The following OBSL1 variants were observed in gnomAD, a reference collection of about 807,000 sequenced individuals.
OBSL1 encodes the protein obscurin-like protein 1.
OBSL1 carries 160 observed loss-of-function variants against 172.0 expected under a neutral mutation model. That is an observed-to-expected ratio of 0.93 (90% CI 0.82 to 1.06). The LOEUF is 1.06. Among genes scored for constraint, OBSL1 ranks in the 50% least tolerant of loss-of-function variants. The probability of loss-of-function intolerance (pLI) is 0.00; values close to 1 mark genes in which losing one functional copy is unlikely to be tolerated. For missense variants in OBSL1, 2,681 were observed against 2,715.4 expected, an observed-to-expected ratio of 0.99 and a Z score of 0.28; for synonymous variants, 1,200 against 1,196.3, an observed-to-expected ratio of 1.00 and a Z score of -0.06.
At position 219,563,485 on chromosome 2, in the gene OBSL1, A is replaced by G; in HGVS notation, c.2550T>C (p.Ser850=). 6.2e-7 allele frequency: 1 copy of G among 1,612,650 alleles called. No individual in the cohort carries two copies. Among genetic ancestry groups the G allele is most frequent in the Non-Finnish European group, 8.5e-7 (1 of 1,179,566 alleles). ...CCTCATTCTCCAGCACCACGAAGTC[A>G]CTCTCCTCCACCTCCTGCCCGTCCT... ...WYKDGQEVEE[S]DFVVLENEGP... is the part of the protein sequence containing the mutation. The change falls in exon 7 of 21, where the codon AGT becomes AGC. Residue 850 remains serine, a synonymous_variant. Transcript: ENST00000404537.
chr2:219,570,269 G>A lies in OBSL1; in HGVS notation c.964C>T (p.Arg322Cys). The A allele has an allele frequency of 3.8e-6, 6 of 1,599,556 alleles. No homozygotes were observed. The highest frequency in any genetic ancestry group is 2.2e-5 in the South Asian group (2 of 89,902). The change falls in exon 1 of 21, where the codon CGC (arginine) becomes TGC (cysteine). Residue 322 changes from arginine (R) to cysteine (C), a missense_variant. By Grantham distance (180) the Arg-to-Cys change is radical. Coordinates refer to ENST00000404537, the MANE Select transcript of OBSL1 (RefSeq NM_015311.3). ...KDRGLYVCAA[R>C]NSAGQTLSAV... is the part of the protein sequence containing the mutation. ...CTGAGCGTCTGGCCCGCCGAGTTGC[G>A]CGCGGCGCAGACGTAGAGCCCACGA...
chr2:219,571,277 G>C lies in OBSL1; in HGVS notation c.-45C>G. On this transcript the variant is annotated 5_prime_UTR_variant, in exon 1 of 21. Coordinates refer to ENST00000404537, the MANE Select transcript of OBSL1 (RefSeq NM_015311.3). ...CAGCGGCGAACGGTGGGGGGGCAGG[G>C]GGGGGTGCGGAGGGCGAGCCGAGGC... 9.2e-7 allele frequency: 1 copy of C among 1,086,862 alleles called. No homozygotes were observed. Among genetic ancestry groups the C allele is most frequent in the Non-Finnish European group, 1.2e-6 (1 of 851,244 alleles). 67.3% of individuals were successfully genotyped at this position (1,086,862 alleles called of 1,614,324 possible).
At position 219,570,654 on chromosome 2, in the gene OBSL1, T is replaced by A. The variant is rs1697281508; in HGVS notation, c.579A>T (p.Ala193=). ...GCAGCCGAGCCGCCAGGATGCGCAG[T>A]GCCAGGCTCGCGCCGGGGCCGTCCT... ...RAEDGPGASL[A]LRILAARLPD... The change falls in exon 1 of 21, where the codon GCA becomes GCT. Residue 193 remains alanine (A), a synonymous_variant. Transcript: ENST00000404537. 2.0e-6 allele frequency: 3 copies of A among 1,506,810 alleles called. No individual in the cohort carries two copies. The highest frequency in any genetic ancestry group is 1.5e-5 in the African/African-American group (1 of 68,370). The allele number at this position is 1,506,810 out of a possible 1,614,324, so 93.3% of individuals were successfully genotyped here.
intron 14 of OBSL1, chr2:219,555,690 C>T (rs1186855085): frequency 7.0e-6 from 8 of 1,136,684 alleles, no homozygotes; most frequent in South Asian, 3.4e-5. Context: ...TGTTTGACAG[C>T]CATCCCTGCT....
Position 219,563,503 on chromosome 2 carries a change from C to G in OBSL1, c.2532G>C (p.Gly844=). 2 of 1,613,986 alleles carry G rather than the reference C, an allele frequency of 1.2e-6. No homozygotes were observed. Among genetic ancestry groups the G allele is most frequent in the Non-Finnish European group, 1.7e-6 (2 of 1,179,878 alleles). ...EDAPVRWYKD[G]QEVEESDFVV... is the part of the protein sequence containing the mutation. ...CGAAGTCACTCTCCTCCACCTCCTG[C>G]CCGTCCTTGTACCAACGCACAGGGG... The change falls in exon 7 of 21, where the codon GGG becomes GGC. Residue 844 remains glycine (G), a synonymous_variant. Transcript: ENST00000404537.
chr2:219,570,222 T>G lies in OBSL1; in HGVS notation c.1011A>C (p.Lys337Asn). 1.9e-6 allele frequency: 3 copies of G among 1,552,840 alleles called. No individual in the cohort carries two copies. The highest frequency in any genetic ancestry group is 2.5e-5 in the South Asian group (2 of 81,082). Residue 337 changes from lysine (K) to asparagine (N), a missense_variant and splice_region_variant, in exon 1 of 21, where the codon AAA (lysine) becomes AAC (asparagine). Physicochemically the swap from Lys to Asn is moderately conservative, Grantham distance 94 (BLOSUM62 0). Coordinates refer to ENST00000404537, the MANE Select transcript of OBSL1 (RefSeq NM_015311.3). ...QTLSAVQLHV[K>N]EPRLRFTRPL... ...CCTAGGTCCCGGGCTCCGCCGTACC[T>G]TTCACGTGCAGCTGCACGGCACTGA...
Position 219,559,349 on chromosome 2 carries a change from G to C in OBSL1, c.3102C>G (p.Ala1034=). Reference sequence around the variant, plus strand: ...GTGGCCCATCCCTCTCCAGCACCAGGGCCTCGCTCTCCTCCACTTCCAGCC... The same window carrying C: ...GTGGCCCATCCCTCTCCAGCACCAGCGCCTCGCTCTCCTCCACTTCCAGCC... ...KDGLEVEESE[A]LVLERDGPRC... The change falls in exon 9 of 21, where the codon GCC becomes GCG. Residue 1034 remains alanine, a synonymous_variant. Transcript: ENST00000404537. The C allele has an allele frequency of 6.2e-7, 1 of 1,613,934 alleles. No individual in the cohort carries two copies. Among genetic ancestry groups the C allele is most frequent in the Non-Finnish European group, 8.5e-7 (1 of 1,179,902 alleles).
chr2:219,550,772 C>G lies in OBSL1; in HGVS notation c.*63G>C, dbSNP rs1286456029. 4 of 1,589,374 alleles carry G rather than the reference C, an allele frequency of 2.5e-6. No homozygotes were observed. Among genetic ancestry groups the G allele is most frequent in the Non-Finnish European group, 3.4e-6 (4 of 1,166,770 alleles). On this transcript the variant is annotated 3_prime_UTR_variant, in exon 21 of 21. Coordinates refer to ENST00000404537, the MANE Select transcript of OBSL1 (RefSeq NM_015311.3). ...TGTTCCTTGTCTCTCTACCCCTGCC[C>G]AGGGTAAGGGCAAACGCCTTCCAAG...
Position 219,567,908 on chromosome 2 carries a change from C to A in OBSL1, c.1344G>T (p.Leu448=). Residue 448 remains leucine (L), a synonymous_variant, in exon 3 of 21, where the codon CTG becomes CTT. Transcript: ENST00000404537. ...LDVLEGENAV[L]LVETLEAGVE... Reference sequence around the variant, plus strand: ...CCCCGGCCTCTAGAGTTTCCACTAGCAGCACAGCATTCTCTCCTTCCAGGA... The same window carrying A: ...CCCCGGCCTCTAGAGTTTCCACTAGAAGCACAGCATTCTCTCCTTCCAGGA... 2.5e-6 allele frequency: 4 copies of A among 1,613,930 alleles called. No homozygotes were observed. The highest frequency in any genetic ancestry group is 3.4e-6 in the Non-Finnish European group (4 of 1,179,900).
At chr2:219,555,861 A>G in intron 14 of OBSL1, 159 bp downstream of exon 14, 1 of 1,439,294 alleles carries the variant, frequency 6.9e-7, no homozygotes. Flanking sequence ...TATTAGAAAA[A>G]GAAAAGTTTT....
Position 219,567,403 on chromosome 2 carries a change from G to C in OBSL1, c.1707C>G (p.Ile569Met), listed in dbSNP as rs749970893. 44 of 1,612,908 alleles carry C rather than the reference G, an allele frequency of 2.7e-5. No homozygotes were observed. Among genetic ancestry groups the C allele is most frequent in the South Asian group, 6.6e-5 (6 of 90,864 alleles). Residue 569 changes from isoleucine (I) to methionine (M), a missense_variant, in exon 4 of 21, where the codon ATC becomes ATG. Ile to Met is a conservative substitution (Grantham distance 10). Transcript: ENST00000404537. ...GCACCTCCACGGCTCCGGCTTTCTC[G>C]ATGCTGAAGCACTGAATCCAGTCTT... Reference protein sequence around the residue: ...GSEDWIQCFSIEKAGAVEVPG... With the variant: ...GSEDWIQCFSMEKAGAVEVPG...
rs769179143 is a variant in OBSL1 at position 219,570,228 on chromosome 2, G to C, written c.1005C>G (p.His335Gln). The change falls in exon 1 of 21, where the codon CAC (histidine) becomes CAG (glutamine). Residue 335 changes from histidine (H) to glutamine (Q), a missense_variant. Physicochemically the swap from His to Gln is conservative, Grantham distance 24. Around this residue, in one of 5 missense-constraint regions of OBSL1, gnomAD observed 706 missense variants for 695.8 expected, o/e 1.01. Transcript: ENST00000404537. ...AGQTLSAVQL[H>Q]VKEPRLRFTR... Reference sequence around the variant, plus strand: ...TCCCGGGCTCCGCCGTACCTTTCACGTGCAGCTGCACGGCACTGAGCGTCT... The same window carrying C: ...TCCCGGGCTCCGCCGTACCTTTCACCTGCAGCTGCACGGCACTGAGCGTCT... 6.4e-7 allele frequency: 1 copy of C among 1,556,982 alleles called. No individual in the cohort carries two copies. Among genetic ancestry groups the C allele is most frequent in the Non-Finnish European group, 8.7e-7 (1 of 1,149,712 alleles).
At position 219,567,684 on chromosome 2, in the gene OBSL1, T is replaced by C. The variant is rs1253105483; in HGVS notation, c.1534+34A>G. 2.5e-6 allele frequency: 4 copies of C among 1,596,182 alleles called. No individual in the cohort carries two copies. In the East Asian group the frequency reaches 6.7e-5, roughly 27 times the overall value. ...CCGGCATCTGGCCAACCTCCTGCCC[T>C]GCCTCGCCTGTCCAGAGGCCTTCCT... is the stretch of plus-strand genomic sequence containing the variant. On this transcript the variant is annotated intron_variant, in intron 3 of 20. Transcript: ENST00000404537.
At position 219,557,656 on chromosome 2, in the gene OBSL1, G is replaced by A. The variant is rs1696129427; in HGVS notation, c.3791-38C>T. ...AGCTGGAGGTCACTGGGAGGGAGAG[G>A]CTCAGGGCTTTGAGGAGGGCACGGG... On this transcript the variant is annotated intron_variant, in intron 11 of 20. Coordinates refer to ENST00000404537, the MANE Select transcript of OBSL1 (RefSeq NM_015311.3). 3.3e-6 allele frequency: 5 copies of A among 1,510,256 alleles called. No individual in the cohort carries two copies. The South Asian group carries it at 3.9e-5, about 12-fold the overall frequency. The allele number at this position is 1,510,256 out of a possible 1,614,324, so 93.6% of individuals were successfully genotyped here.
intron 12 of OBSL1, chr2:219,557,113 C>G: frequency 2.0e-6 from 1 of 503,772 alleles, no homozygotes; most frequent in Non-Finnish European, 3.4e-6. Flanking sequence ...AGGCTGGAAC[C>G]TGGCTGGGTG....
In OBSL1 at chr2:219,559,489, C is replaced by T; in HGVS notation, c.2962G>A (p.Val988Met). Residue 988 changes from valine (V) to methionine (M), a missense_variant, in exon 9 of 21, where the codon GTG (valine) becomes ATG (methionine). Physicochemically the swap from Val to Met is conservative, Grantham distance 21. Around this residue, in one of 5 missense-constraint regions of OBSL1, gnomAD observed 1,765 missense variants for 1,748.3 expected, o/e 1.01. Transcript: ENST00000404537. ...SFTVTVTEPPVRIIYPRDEVT... is the reference protein window; with the variant it reads ...SFTVTVTEPPMRIIYPRDEVT... ...TCATCGCGAGGGTATATGATCCGCA[C>T]TGGGGGTTCTGCAGGGTGGGGACAA... is the stretch of plus-strand genomic sequence containing the variant. 6.2e-7 allele frequency: 1 copy of T among 1,608,396 alleles called. No homozygotes were observed. The highest frequency in any genetic ancestry group is 8.5e-7 in the Non-Finnish European group (1 of 1,175,222).
chr2:219,552,773 C>T (rs1695728240), intron 17 of OBSL1, 76 bp from the exon 18 acceptor site: 4 of 1,515,712 alleles, frequency 2.6e-6, no homozygotes, highest in Middle Eastern at 1.8e-4. Context: ...CGCCCCCTTT[C>T]TAGAAGCACG....
intron 18 of OBSL1, 133 bp downstream of exon 18, chr2:219,552,403 C>T: frequency 1.1e-6 from 1 of 950,896 alleles, no homozygotes; most frequent in Admixed American, 2.5e-5. Context: ...GGGGAAAGAA[C>T]AGGGACGAGG....
In OBSL1 at chr2:219,552,971, C is replaced by T; in HGVS notation, c.5043G>A (p.Thr1681=). The change falls in exon 17 of 21, where the codon ACG becomes ACA. Residue 1681 remains threonine, a synonymous_variant. Transcript: ENST00000404537. ...SPRLRLQALG[T]RRLLQLRRCG... is the part of the protein sequence containing the mutation. ...AGCGTCGCAGCTGGAGAAGGCGGCG[C>T]GTGCCGAGGGCCTGGAGCCGGAGCC... The T allele has an allele frequency of 6.5e-7, 1 of 1,531,462 alleles. No homozygotes were observed. 94.9% of individuals were successfully genotyped at this position (1,531,462 alleles called of 1,614,324 possible).
Sources: allele counts gnomAD v4.1 joint callset, GRCh38; gene constraint gnomAD v4.1.1; regional missense constraint gnomAD v4.1.1; transcripts MANE v1.5; gene names NCBI Gene and HGNC (gene_info 2026-07-23, HGNC 2026-07-21).